TMEM116: variants seen among roughly 807,000 people sequenced by gnomAD.
TMEM116 encodes the protein transmembrane protein 116.
In TMEM116, 38 loss-of-function variants were observed where a neutral mutation model predicts 44.3. The observed-to-expected ratio is 0.86, with a 90% CI of 0.66 to 1.12. The LOEUF (loss-of-function observed/expected upper bound fraction) is 1.12. TMEM116 is among the 50% of genes most tolerant of loss of function. The pLI, the probability that TMEM116 is intolerant of heterozygous loss-of-function variation, is 0.00. For missense variants in TMEM116, 354 were observed against 401.7 expected (o/e 0.88, Z 1.01); for synonymous variants, 132 against 144.8 (o/e 0.91, Z 0.64).
chr12:111,938,989 G>A (rs1171310313), intron 5 of TMEM116, among the ~76,000 whole-genome samples: 1 of 152,180 alleles, frequency 6.6e-6, no homozygotes, highest in Non-Finnish European at 1.5e-5. Flanking sequence ...GCCCCAAACA[G>A]TTTGGAGCAG....
At chr12:111,969,189 G>A (rs577987390) in intron 4 of TMEM116, among the ~76,000 whole-genome samples, 1 of 150,804 alleles carries the variant, frequency 6.6e-6, no homozygotes, top group Non-Finnish European at 1.5e-5. Flanking sequence ...GCACGGTGGT[G>A]CATGCCTGTA....
At chr12:111,969,847 G>A (rs760877081) in intron 4 of TMEM116, among the ~76,000 whole-genome samples, 10 of 152,018 alleles carry the variant, frequency 6.6e-5, no homozygotes, top group East Asian at 1.9e-4. Context: ...CTCAAAGTGC[G>A]GGGATTACAG....
Position 111,987,894 on chromosome 12 carries a change from ACAACATCTAAAAGGTGGAAG to A in TMEM116, c.210+3844_210+3863del, listed in dbSNP as rs542674783. On this transcript the variant is annotated intron_variant, in intron 4 of 10. Coordinates refer to ENST00000552374, the MANE Select transcript of TMEM116 (RefSeq NM_001193531.2). ...ATCAATGTTAATAGTAGCGTTATTC[ACAACATCTAAAAGGTGGAAG>A]CAACCCAAGTGGCCATTGACAGACA... Among the ~76,000 whole-genome samples the A allele has an allele frequency of 9.7e-4, 148 of 152,350 alleles. 1 individual carries two copies. The highest frequency in any genetic ancestry group is 3.3e-3 in the African/African-American group (137 of 41,576).
chr12:111,966,585 A>G (rs1463710392), intron 4 of TMEM116, among the ~76,000 whole-genome samples: 1 of 152,242 alleles, frequency 6.6e-6, no homozygotes, highest in African/African-American at 2.4e-5. Flanking sequence ...CCAGTTTCTT[A>G]GCATCATAAC....
chr12:111,994,819 A>C (rs1565956482), intron 3 of TMEM116, among the ~76,000 whole-genome samples: 1 of 152,192 alleles, frequency 6.6e-6, no homozygotes. Flanking sequence ...AAATTCTCAG[A>C]AGGGAGTATG....
At chr12:111,976,116 C>T (rs1224529052) in intron 4 of TMEM116, among the ~76,000 whole-genome samples, 2 of 151,528 alleles carry the variant, frequency 1.3e-5, no homozygotes, top group Admixed American at 1.3e-4. Context: ...TCAAGGGATT[C>T]TCCTGTCTCA....
intron 3 of TMEM116, among the ~76,000 whole-genome samples, chr12:112,001,219 G>C (rs905696603): frequency 1.3e-5 from 2 of 152,184 alleles, no homozygotes; most frequent in African/African-American, 2.4e-5. Context: ...TCTTTATAAA[G>C]TCCCAACCCA....
intron 4 of TMEM116, among the ~76,000 whole-genome samples, chr12:111,990,477 G>A (rs895867382): frequency 6.6e-6 from 1 of 152,118 alleles, no homozygotes; most frequent in African/African-American, 2.4e-5. Context: ...AATTCATGAG[G>A]TTATTAGCAG....
chr12:112,007,441 C>T (rs780369780), intron 1 of TMEM116, among the ~76,000 whole-genome samples: 3 of 151,948 alleles, frequency 2.0e-5, no homozygotes, highest in Non-Finnish European at 2.9e-5. Flanking sequence ...AAAAATAAAA[C>T]AAAACAGAAA....
At chr12:112,005,435 A>G in intron 1 of TMEM116, 132 bp from the exon 2 acceptor site, 1 of 652,542 alleles carries the variant, frequency 1.5e-6, no homozygotes, top group Non-Finnish European at 2.2e-6. Flanking sequence ...TATAAGCCTG[A>G]GAATGAGTTA....
intron 2 of TMEM116, among the ~76,000 whole-genome samples, chr12:112,004,427 G>A (rs2077462003): frequency 6.6e-6 from 1 of 151,312 alleles, no homozygotes; most frequent in African/African-American, 2.4e-5. Context: ...TGGAACTACG[G>A]GCATCTGCTA....
intron 4 of TMEM116, among the ~76,000 whole-genome samples, chr12:111,987,022 A>T (rs1174358704): frequency 6.6e-6 from 1 of 152,224 alleles, no homozygotes. Context: ...TCAAAAACAC[A>T]AGCAACAAAA....
intron 4 of TMEM116, among the ~76,000 whole-genome samples, chr12:111,957,366 G>A (rs1185957859): frequency 1.3e-5 from 2 of 150,782 alleles, no homozygotes; most frequent in Non-Finnish European, 3.0e-5. Context: ...CGCCCTGTCT[G>A]AGAAGTGAGG....
intron 4 of TMEM116, among the ~76,000 whole-genome samples, chr12:111,975,845 G>A (rs1235075991): frequency 6.6e-6 from 1 of 151,782 alleles, no homozygotes; most frequent in Non-Finnish European, 1.5e-5. Context: ...AAGAGCTCAG[G>A]CCCACAAAAA....
intron 3 of TMEM116, chr12:112,003,595 T>C: frequency 1.8e-6 from 1 of 544,890 alleles, no homozygotes; most frequent in Non-Finnish European, 2.9e-6. Context: ...AGTTAATCTC[T>C]CAGAATTCAA....
chr12:111,977,045 A>AT (rs1298237836), intron 4 of TMEM116, among the ~76,000 whole-genome samples: 2 of 152,180 alleles, frequency 1.3e-5, no homozygotes, highest in Admixed American at 1.3e-4. Context: ...GAAACATAAG[A>AT]AATATCTGAA....
intron 4 of TMEM116, among the ~76,000 whole-genome samples, chr12:111,946,511 G>A (rs1244045739): frequency 2.0e-4 from 30 of 152,226 alleles, no homozygotes; most frequent in Admixed American, 2.0e-3. Flanking sequence ...GATCGCTCAG[G>A]ATATTGTTTG....
chr12:111,972,981 TAC>T (rs1432309126), intron 4 of TMEM116, among the ~76,000 whole-genome samples: 1 of 149,892 alleles, frequency 6.7e-6, no homozygotes, highest in African/African-American at 2.5e-5. Flanking sequence ...CTACTAAAAA[TAC>T]AAAAATTAGC....
intron 4 of TMEM116, among the ~76,000 whole-genome samples, chr12:111,984,034 A>G (rs1041923383): frequency 6.6e-6 from 1 of 152,208 alleles, no homozygotes; most frequent in Non-Finnish European, 1.5e-5. Flanking sequence ...AAAATCAATT[A>G]ATATATCACA....
Sources: gnomAD v4.1 joint callset for allele counts (sites outside exome capture counted in the v4.1 genomes callset) on GRCh38, gnomAD v4.1.1 for gene constraint, MANE v1.5 for transcripts, NCBI Gene and HGNC (gene_info 2026-07-23, HGNC 2026-07-21) for gene names.